The following MEIS2 variants were observed in gnomAD, a reference collection of about 807,000 sequenced individuals.
MEIS2 encodes the protein Meis homeobox 2.
Under a neutral mutation model 58.6 loss-of-function variants are expected in MEIS2, and 9 were observed. That is an observed-to-expected ratio of 0.15 (90% CI 0.09 to 0.27). MEIS2 has a LOEUF of 0.27. MEIS2 is among the 10% of genes least tolerant of loss of function. The pLI, the probability that MEIS2 is intolerant of heterozygous loss-of-function variation, is 1.00. For missense variants in MEIS2, 427 were observed against 635.0 expected (o/e 0.67, Z 3.52); for synonymous variants, 221 against 228.4 (o/e 0.97, Z 0.29).
rs1386347579 is a variant in MEIS2 at position 37,098,415 on chromosome 15, A to AGG, written c.13-217_13-216insCC. 4.1e-6 allele frequency: 5 copies of AGG among 1,218,226 alleles called. No individual in the cohort carries two copies. The East Asian group carries it at 1.6e-4, about 38-fold the overall frequency. The allele number at this position is 1,218,226 out of a possible 1,614,324, so 75.5% of individuals were successfully genotyped here. On this transcript the variant is annotated intron_variant, in intron 1 of 11. Coordinates refer to ENST00000561208, the MANE Select transcript of MEIS2 (RefSeq NM_170675.5). Reference sequence around the variant, plus strand: ...GAGAGAGAGAGAGAGAGAGAGAGAGAGAGAGAGAGAAAATAAAAATAAAAA... The same window carrying AGG: ...GAGAGAGAGAGAGAGAGAGAGAGAGAGGGAGAGAGAGAAAATAAAAATAAAAA...
At chr15:37,081,844 C>T (rs1281561360) in intron 7 of MEIS2, among the ~76,000 whole-genome samples, 1 of 152,132 alleles carries the variant, frequency 6.6e-6, no homozygotes, top group East Asian at 1.9e-4. Flanking sequence ...TGCATCTACC[C>T]ACAGCACAGA....
At chr15:36,987,636 C>G (rs1332864740) in intron 8 of MEIS2, among the ~76,000 whole-genome samples, 1 of 151,946 alleles carries the variant, frequency 6.6e-6, no homozygotes, top group Non-Finnish European at 1.5e-5. Flanking sequence ...AAAATGAGAC[C>G]AACTCTATCA....
chr15:36,905,121 T>C (rs1222106780), intron 9 of MEIS2, among the ~76,000 whole-genome samples: 2 of 152,168 alleles, frequency 1.3e-5, no homozygotes, highest in Non-Finnish European at 2.9e-5. Context: ...CATTAACACC[T>C]GGCTCAGTTT....
intron 8 of MEIS2, among the ~76,000 whole-genome samples, chr15:37,000,769 A>C (rs1241010317): frequency 1.3e-5 from 2 of 152,144 alleles, no homozygotes; most frequent in Non-Finnish European, 2.9e-5. Context: ...CTTGTTTACA[A>C]ACGTGCATGA....
At chr15:37,066,937 C>T (rs1431130873) in intron 7 of MEIS2, among the ~76,000 whole-genome samples, 5 of 151,778 alleles carry the variant, frequency 3.3e-5, no homozygotes, top group Admixed American at 2.6e-4. Flanking sequence ...TGCCATTGTG[C>T]CCAGCTAACT....
intron 7 of MEIS2, among the ~76,000 whole-genome samples, chr15:37,073,109 A>G (rs927847128): frequency 1.3e-5 from 2 of 152,132 alleles, no homozygotes; most frequent in Non-Finnish European, 2.9e-5. Context: ...AATGAAGAGA[A>G]TAATTTTGGG....
intron 7 of MEIS2, among the ~76,000 whole-genome samples, chr15:37,059,937 A>T (rs201764914): frequency 1.4e-5 from 2 of 144,154 alleles, no homozygotes; most frequent in South Asian, 2.3e-4. Flanking sequence ...AAAAAAAAAA[A>T]TTCTTTTTTT....
chr15:37,055,408 G>C (rs1287979854), intron 7 of MEIS2, among the ~76,000 whole-genome samples: 2 of 151,910 alleles, frequency 1.3e-5, no homozygotes, highest in Non-Finnish European at 2.9e-5. Flanking sequence ...ATTCTTCCCT[G>C]TGTGTGTGTG....
At chr15:37,023,779 C>A (rs1480792745) in intron 8 of MEIS2, among the ~76,000 whole-genome samples, 2 of 152,132 alleles carry the variant, frequency 1.3e-5, no homozygotes, top group Non-Finnish European at 2.9e-5. Flanking sequence ...CGCCACAGTT[C>A]CTAGTCATAA....
chr15:36,895,347 ACG>A, intron 10 of MEIS2, 86 bp from the exon 11 acceptor site: 1 of 1,153,566 alleles, frequency 8.7e-7, no homozygotes, highest in East Asian at 2.4e-5. Context: ...CAGCACTGAA[ACG>A]TTATAGCAAC....
chr15:36,909,151 C>T (rs2056883379), intron 9 of MEIS2, among the ~76,000 whole-genome samples: 1 of 152,126 alleles, frequency 6.6e-6, no homozygotes, highest in Non-Finnish European at 1.5e-5. Context: ...GGCTAACACA[C>T]CCTTCAAAGT....
At chr15:36,904,622 A>G (rs2056635511) in intron 9 of MEIS2, among the ~76,000 whole-genome samples, 3 of 134,190 alleles carry the variant, frequency 2.2e-5, no homozygotes, top group Non-Finnish European at 3.1e-5. Flanking sequence ...AAGAGATAAA[A>G]GGATTACATT....
At chr15:36,997,485 CTCTCT>C (rs1178580064) in intron 8 of MEIS2, among the ~76,000 whole-genome samples, 2 of 82,454 alleles carry the variant, frequency 2.4e-5, no homozygotes, top group South Asian at 7.6e-4. Flanking sequence ...TTCTCTCTCT[CTCTCT>C]TTTTTTTTTT....
chr15:37,054,029 T>A (rs965943737), intron 7 of MEIS2, among the ~76,000 whole-genome samples: 1 of 152,240 alleles, frequency 6.6e-6, no homozygotes, highest in African/African-American at 2.4e-5. Flanking sequence ...TTTTCCTAAC[T>A]TCTTGCCTTG....
intron 8 of MEIS2, among the ~76,000 whole-genome samples, chr15:36,958,980 G>A (rs2059089219): frequency 6.6e-6 from 1 of 152,070 alleles, no homozygotes; most frequent in Admixed American, 6.5e-5. Context: ...TTTCAAAACA[G>A]GTTTAGGCTA....
chr15:37,084,924 A>C (rs1031420952), intron 6 of MEIS2, among the ~76,000 whole-genome samples: 22 of 152,208 alleles, frequency 1.4e-4, no homozygotes, highest in Admixed American at 1.1e-3. Context: ...TGTCACCTGC[A>C]TATGACGACT....
intron 1 of MEIS2, chr15:37,099,072 C>T: frequency 1.0e-6 from 1 of 987,030 alleles, no homozygotes; most frequent in Non-Finnish European, 1.2e-6. Context: ...GCCGCGCGAG[C>T]CACGGCGGCA....
At chr15:36,966,329 T>C (rs1276675284) in intron 8 of MEIS2, among the ~76,000 whole-genome samples, 1 of 152,198 alleles carries the variant, frequency 6.6e-6, no homozygotes, top group African/African-American at 2.4e-5. Context: ...AATAAATATA[T>C]ATTAATGTCA....
chr15:36,905,610 T>C (rs1038022057), intron 9 of MEIS2, among the ~76,000 whole-genome samples: 3 of 152,174 alleles, frequency 2.0e-5, no homozygotes, highest in African/African-American at 7.2e-5. Context: ...ATGTAAGGCT[T>C]ATTTTCATCC....
Sources: allele counts gnomAD v4.1 joint callset (sites outside exome capture counted in the v4.1 genomes callset), GRCh38; gene constraint gnomAD v4.1.1; transcripts MANE v1.5; gene names NCBI Gene and HGNC (gene_info 2026-07-23, HGNC 2026-07-21).